Variants in EMILIN2 observed in about 807,000 individuals in gnomAD.
EMILIN2 encodes elastin microfibril interfacer 2, also known as EMILIN-2.
Under a neutral mutation model 87.1 loss-of-function variants are expected in EMILIN2, and 71 were observed. The observed-to-expected ratio is 0.82, with a 90% CI of 0.67 to 0.99. The LOEUF (loss-of-function observed/expected upper bound fraction) is 0.99, where lower values mean the gene tolerates loss of function less well. EMILIN2 is among the 50% of genes least tolerant of loss of function. The pLI is 0.00. For synonymous variants in EMILIN2, 581 were observed against 563.4 expected (o/e 1.03, Z -0.44); for missense variants, 1,407 against 1,371.8 (o/e 1.03, Z -0.40).
At chr18:2,912,839 A>G (rs888308421) in intron 7 of EMILIN2, among the ~76,000 whole-genome samples, 1 of 152,184 alleles carries the variant, frequency 6.6e-6, no homozygotes, top group East Asian at 1.9e-4. Context: ...TCCAAGAGGC[A>G]TTCTTAGGCC....
In EMILIN2 at chr18:2,912,454, G is replaced by A. The variant is rs536439839; in HGVS notation, c.2825-613G>A. 5.9e-5 allele frequency among the ~76,000 whole-genome samples: 9 copies of A among 152,276 alleles called. No homozygotes were observed. In the East Asian group the frequency reaches 9.6e-4, roughly 16 times the overall value. On this transcript the variant is annotated intron_variant, in intron 7 of 7. Coordinates refer to ENST00000254528, the MANE Select transcript of EMILIN2 (RefSeq NM_032048.3). ...CCCGTGAGTGATGGCCATTCCTGCC[G>A]GCATTTGGTGTTGGCACTGACTCTC... is the stretch of plus-strand genomic sequence containing the variant.
At position 2,858,581 on chromosome 18, in the gene EMILIN2, G is replaced by GTA. The variant is rs1416903980; in HGVS notation, c.257+10651_257+10652insAT. Among the ~76,000 whole-genome samples the GTA allele has an allele frequency of 8.2e-3, 530 of 64,708 alleles. 41 individuals carry two copies. Among genetic ancestry groups the GTA allele is most frequent in the African/African-American group, 0.015 (164 of 10,672 alleles). 42.5% of individuals were successfully genotyped at this position (64,708 alleles called of 152,430 possible). On this transcript the variant is annotated intron_variant, in intron 2 of 7. Coordinates refer to ENST00000254528, the MANE Select transcript of EMILIN2 (RefSeq NM_032048.3). ...TATATATATATATATGTGTGTGTGT[G>GTA]TGTATATATATATATATATATGTGT...
chr18:2,889,333 A>T (rs150171200), intron 3 of EMILIN2, among the ~76,000 whole-genome samples: 1,754 of 151,522 alleles, frequency 0.012, 38 homozygotes, highest in African/African-American at 0.04. Context: ...AGATGGGGTT[A>T]CGCCATGTTG....
chr18:2,860,893 G>A (rs9676005), intron 2 of EMILIN2, among the ~76,000 whole-genome samples: 25,481 of 152,064 alleles, frequency 0.17, 4,556 homozygotes, highest in East Asian at 0.47. Context: ...ATCCTCTCCA[G>A]CACCTGTTGT....
In EMILIN2 at chr18:2,880,956, G is replaced by C. The variant is rs958777617; in HGVS notation, c.258-4008G>C. Among the ~76,000 whole-genome samples, 2 of 152,218 alleles carry C rather than the reference G, an allele frequency of 1.3e-5. No individual in the cohort carries two copies. Among genetic ancestry groups the C allele is most frequent in the African/African-American group, 2.4e-5 (1 of 41,448 alleles). ...TGAAAATTCCTTGGCATTTTCTAAAGCTCACTAGCTATTTTCCTGCAGTGC... is the reference window on the plus strand; with the variant it reads ...TGAAAATTCCTTGGCATTTTCTAAACCTCACTAGCTATTTTCCTGCAGTGC... On this transcript the variant is annotated intron_variant, in intron 2 of 7. Transcript: ENST00000254528. This position sits in a 1 kb window ranked among gnomAD's most constrained non-coding sequence, Gnocchi z 4.1.
intron 4 of EMILIN2, chr18:2,906,580 C>CCCGGCGGCGTCCGGGTGG (rs1363821286): frequency 4.4e-5 from 17 of 389,536 alleles, no homozygotes; most frequent in African/African-American, 2.7e-4. Flanking sequence ...GGCAGGGGTC[C>CCCGGCGGCGTCCGGGTGG]CCGGCGGCGT....
rs1041321322 is a variant in EMILIN2 at position 2,847,483 on chromosome 18, G to A, written c.134+161G>A. 5.9e-5 allele frequency among the ~76,000 whole-genome samples: 9 copies of A among 152,200 alleles called. No individual in the cohort carries two copies. The highest frequency in any genetic ancestry group is 1.0e-4 in the Non-Finnish European group (7 of 68,024). Reference sequence around the variant, plus strand: ...GCGGGGGACCGCGCGCTCCGCAGCCGGCGCCTCAGGCAGAGCTGACTCCGG... The same window carrying A: ...GCGGGGGACCGCGCGCTCCGCAGCCAGCGCCTCAGGCAGAGCTGACTCCGG... On this transcript the variant is annotated intron_variant, in intron 1 of 7. Transcript: ENST00000254528. This position sits in a 1 kb window ranked among gnomAD's most constrained non-coding sequence, Gnocchi z 4.5.
At position 2,862,478 on chromosome 18, in the gene EMILIN2, C is replaced by A. The variant is rs955577604; in HGVS notation, c.257+14547C>A. On this transcript the variant is annotated intron_variant, in intron 2 of 7. Coordinates refer to ENST00000254528, the MANE Select transcript of EMILIN2 (RefSeq NM_032048.3). ...ATTTTGTCAAAGGCCTTTTCTGCAT[C>A]TATTGAGATAATCATGTGGTTTTTG... Among the ~76,000 whole-genome samples the A allele has an allele frequency of 2.1e-4, 32 of 152,170 alleles. 1 individual carries two copies. The highest frequency in any genetic ancestry group is 3.2e-3 in the Middle Eastern group (1 of 316).
Position 2,900,756 on chromosome 18 carries a change from T to G in EMILIN2, c.2360-6027T>G, listed in dbSNP as rs139904293. On this transcript the variant is annotated intron_variant, in intron 4 of 7. Transcript: ENST00000254528. ...TCTCATGCTTCAGTCCGTGATGGTA[T>G]GGGGTTATTTCCCAGGAACTAGAGC... Among the ~76,000 whole-genome samples the G allele has an allele frequency of 2.3e-3, 346 of 152,352 alleles. 1 individual carries two copies. The highest frequency in any genetic ancestry group is 7.8e-3 in the African/African-American group (326 of 41,588).
At chr18:2,897,741 G>T (rs2076870172) in intron 4 of EMILIN2, among the ~76,000 whole-genome samples, 1 of 151,922 alleles carries the variant, frequency 6.6e-6, no homozygotes, top group Non-Finnish European at 1.5e-5. Flanking sequence ...GTGCACCTGT[G>T]ATTCCACCTA....
chr18:2,861,451 G>A (rs975737038), intron 2 of EMILIN2, among the ~76,000 whole-genome samples: 12 of 152,128 alleles, frequency 7.9e-5, no homozygotes, highest in South Asian at 6.2e-4. Context: ...TTCTCCATAT[G>A]GCTAGCCAGT....
At chr18:2,906,487 T>G in intron 4 of EMILIN2, 25 of 126,160 alleles carry the variant, frequency 2.0e-4, no homozygotes, top group African/African-American at 7.4e-4. Flanking sequence ...AAATCGGGAA[T>G]TGTTGATGCC....
At position 2,904,924 on chromosome 18, in the gene EMILIN2, G is replaced by T. The variant is rs1011772600; in HGVS notation, c.2360-1859G>T. ...GTGGCTGGGAGCTTAGCAGAGGATG[G>T]GGACTGTGAGCCTCCTTATTCAGGG... is the stretch of plus-strand genomic sequence containing the variant. On this transcript the variant is annotated intron_variant, in intron 4 of 7. Transcript: ENST00000254528. 2.6e-5 allele frequency among the ~76,000 whole-genome samples: 4 copies of T among 152,196 alleles called. No individual in the cohort carries two copies. The East Asian group carries it at 7.7e-4, about 29-fold the overall frequency.
intron 3 of EMILIN2, among the ~76,000 whole-genome samples, chr18:2,889,165 TCTCTC>T (rs2076819939): frequency 1.6e-5 from 2 of 126,264 alleles, no homozygotes; most frequent in Non-Finnish European, 3.2e-5. Flanking sequence ...TGAGACAGGG[TCTCTC>T]TCTGTTGCCC....
chr18:2,868,463 G>T (rs1486970813), intron 2 of EMILIN2, among the ~76,000 whole-genome samples: 3 of 152,220 alleles, frequency 2.0e-5, no homozygotes, highest in Non-Finnish European at 4.4e-5. Context: ...GGAGGTGGTT[G>T]CAGCCAGCCA....
rs2076582074 is a variant in EMILIN2 at position 2,847,671 on chromosome 18, G to T, written c.135-138G>T. The T allele has an allele frequency of 7.3e-7, 1 of 1,369,396 alleles. No individual in the cohort carries two copies. The highest frequency in any genetic ancestry group is 1.5e-5 in the South Asian group (1 of 66,722). The allele number at this position is 1,369,396 out of a possible 1,614,324, so 84.8% of individuals were successfully genotyped here. ...CCCGGGCACCCTCCGGCGTCTGCTC[G>T]GTGAAGCTCCCGCCTCCGCAGAGGG... is the stretch of plus-strand genomic sequence containing the variant. On this transcript the variant is annotated intron_variant, in intron 1 of 7. Transcript: ENST00000254528. This position sits in a 1 kb window ranked among gnomAD's most constrained non-coding sequence, Gnocchi z 4.5.
At chr18:2,909,346 T>A (rs937849597) in intron 6 of EMILIN2, among the ~76,000 whole-genome samples, 3 of 152,256 alleles carry the variant, frequency 2.0e-5, no homozygotes, top group Non-Finnish European at 4.4e-5. Flanking sequence ...TAGATGATGA[T>A]GCACCCACTG....
chr18:2,870,868 G>A (rs903002888), intron 2 of EMILIN2, among the ~76,000 whole-genome samples: 3 of 152,158 alleles, frequency 2.0e-5, no homozygotes, highest in African/African-American at 7.2e-5. Flanking sequence ...GTAGATGTCC[G>A]TCTTCTCCCT....
Position 2,913,228 on chromosome 18 carries a change from C to G in EMILIN2, c.2986C>G (p.Pro996Ala). Residue 996 changes from proline to alanine, a missense_variant, in exon 8 of 8, where the codon CCA becomes GCA. By Grantham distance (27) the Pro-to-Ala change is conservative. Transcript: ENST00000254528. ...AGAGTTCCTGGAATACCACCGCCCT[C>G]CAGGAGCTTTGCATACCTGCGGGGG... ...RREFLEYHRP[P>A]GALHTCGGPG... 1 of 1,614,142 alleles carries G rather than the reference C, an allele frequency of 6.2e-7. No homozygotes were observed. The highest frequency in any genetic ancestry group is 8.5e-7 in the Non-Finnish European group (1 of 1,180,042).
Sources: allele counts gnomAD v4.1 joint callset (sites outside exome capture counted in the v4.1 genomes callset), GRCh38; gene constraint gnomAD v4.1.1; non-coding constraint Gnocchi (gnomAD v3.1); transcripts MANE v1.5; gene names NCBI Gene and HGNC (gene_info 2026-07-23, HGNC 2026-07-21).